The following PPP2R5C variants were observed in gnomAD, a reference collection of about 807,000 sequenced individuals.
PPP2R5C encodes the protein serine/threonine-protein phosphatase 2A 56 kDa regulatory subunit gamma isoform.
In PPP2R5C, 7 loss-of-function variants were observed where a neutral mutation model predicts 68.9. The ratio of observed to expected loss-of-function variants is 0.10; its 90% CI spans 0.06 to 0.19. The LOEUF (loss-of-function observed/expected upper bound fraction) is 0.19, where lower values mean the gene tolerates loss of function less well. Ranked by LOEUF, PPP2R5C falls within the 10% of genes least tolerant of loss-of-function variation. The pLI, the probability that PPP2R5C is intolerant of heterozygous loss-of-function variation, is 1.00. For missense variants in PPP2R5C, 348 were observed against 641.3 expected, an observed-to-expected ratio of 0.54 and a Z score of 4.94; for synonymous variants, 210 against 222.2, an observed-to-expected ratio of 0.95 and a Z score of 0.49.
Position 101,915,011 on chromosome 14 carries a change from G to A in PPP2R5C, c.1326+2538G>A, listed in dbSNP as rs942473961. ...ACGGATGCCTGCCTTTCCTTCGAGA[G>A]AGGAGCTCATGTGCGGAATGCACCT... is the stretch of plus-strand genomic sequence containing the variant. On this transcript the variant is annotated intron_variant, in intron 12 of 13. Coordinates refer to ENST00000334743, the Ensembl canonical transcript of PPP2R5C. This position sits in a 1 kb window ranked among gnomAD's most constrained non-coding sequence, Gnocchi z 4.2. 6.6e-6 allele frequency among the ~76,000 whole-genome samples: 1 copy of A among 152,188 alleles called. No individual in the cohort carries two copies. Among genetic ancestry groups the A allele is most frequent in the African/African-American group, 2.4e-5 (1 of 41,438 alleles).
At chr14:101,894,995 C>A (rs186812621) in intron 8 of PPP2R5C, among the ~76,000 whole-genome samples, 19 of 152,288 alleles carry the variant, frequency 1.2e-4, no homozygotes, top group Admixed American at 4.6e-4. Context: ...TCCCAAGTTA[C>A]ACTGTAACTA....
chr14:101,845,978 G>A (rs1470215440), intron 1 of PPP2R5C, among the ~76,000 whole-genome samples: 1 of 152,220 alleles, frequency 6.6e-6, no homozygotes, highest in Non-Finnish European at 1.5e-5. Flanking sequence ...TGGCGGTACT[G>A]TTCATTTTGC....
intron 1 of PPP2R5C, among the ~76,000 whole-genome samples, chr14:101,826,597 A>T (rs1566876716): frequency 6.6e-6 from 1 of 151,894 alleles, no homozygotes; most frequent in East Asian, 1.9e-4. Flanking sequence ...TTTTTTCAAA[A>T]TTGTTTTGGT....
rs1303069035 is a variant in PPP2R5C at position 101,882,141 on chromosome 14, A to G, written c.295-20A>G. On this transcript the variant is annotated intron_variant, in intron 2 of 13. Transcript: ENST00000334743. This position sits in a 1 kb window ranked among gnomAD's most constrained non-coding sequence, Gnocchi z 4.9. ...TATTTTAAATGCCCTGATTGTAATT[A>G]TAGAATATGTGGATTTTAGTTTGCA... 3 of 1,537,860 alleles carry G rather than the reference A, an allele frequency of 2.0e-6. No individual in the cohort carries two copies. Among genetic ancestry groups the G allele is most frequent in the Non-Finnish European group, 2.7e-6 (3 of 1,125,806 alleles).
chr14:101,899,684 T>C lies in PPP2R5C; in HGVS notation c.853-2035T>C, dbSNP rs115889388. Among the ~76,000 whole-genome samples the C allele has an allele frequency of 0.01, 1,579 of 152,360 alleles. 28 individuals carry two copies. The highest frequency in any genetic ancestry group is 0.036 in the African/African-American group (1,484 of 41,580). On this transcript the variant is annotated intron_variant, in intron 8 of 13. Coordinates refer to ENST00000334743, the Ensembl canonical transcript of PPP2R5C. This position sits in a 1 kb window ranked among gnomAD's most constrained non-coding sequence, Gnocchi z 4.2. ...CATTTGACAAATGAAGAGAAATAGA[T>C]GTAGGAAGTGATTTCCATCTGCTGT...
At chr14:101,841,708 C>A (rs943282076) in intron 1 of PPP2R5C, among the ~76,000 whole-genome samples, 3 of 152,158 alleles carry the variant, frequency 2.0e-5, no homozygotes, top group Non-Finnish European at 2.9e-5. Flanking sequence ...GGCAGAGGAT[C>A]GGCCATGCTT....
At chr14:101,849,223 G>T (rs1248214476) in intron 1 of PPP2R5C, among the ~76,000 whole-genome samples, 2 of 152,144 alleles carry the variant, frequency 1.3e-5, no homozygotes, top group Non-Finnish European at 1.5e-5. Flanking sequence ...CCTTTACCTC[G>T]GTTGTGATGG....
At chr14:101,919,034 AAT>A (rs1480453250) in intron 13 of PPP2R5C, among the ~76,000 whole-genome samples, 1 of 152,170 alleles carries the variant, frequency 6.6e-6, no homozygotes. Flanking sequence ...CATTAAATAA[AAT>A]ATGTTGTTTG....
chr14:101,818,899 A>G, intron 1 of PPP2R5C: 1 of 1,009,972 alleles, frequency 9.9e-7, no homozygotes, highest in Non-Finnish European at 1.5e-6. Context: ...ATACACATGG[A>G]TTTTTGTCTG....
chr14:101,784,569 T>A (rs1363171364), intron 2 of PPP2R5C, among the ~76,000 whole-genome samples: 1 of 151,924 alleles, frequency 6.6e-6, no homozygotes, highest in East Asian at 1.9e-4. Flanking sequence ...ACTCACTCAC[T>A]ATCACAAGAA....
intron 3 of PPP2R5C, among the ~76,000 whole-genome samples, chr14:101,788,509 G>A (rs553924407): frequency 6.6e-6 from 1 of 152,214 alleles, no homozygotes; most frequent in Non-Finnish European, 1.5e-5. Flanking sequence ...TTCTACATCT[G>A]TTCTACATCT....
Position 101,858,043 on chromosome 14 carries a change from C to A in PPP2R5C, c.294+1158C>A, listed in dbSNP as rs149587603. The stretch of plus-strand genomic sequence containing the variant: ...TTTAACTCTTAAAGTTCAGAATTCA[C>A]TGGCATGGCTACCATGTAGTCGGCC... On this transcript the variant is annotated intron_variant, in intron 2 of 13. Coordinates refer to ENST00000334743, the Ensembl canonical transcript of PPP2R5C. Among the ~76,000 whole-genome samples, 516 of 152,296 alleles carry A rather than the reference C, an allele frequency of 3.4e-3. 3 individuals are homozygous for A. The highest frequency in any genetic ancestry group is 0.012 in the African/African-American group (480 of 41,558).
In PPP2R5C at chr14:101,868,397, T is replaced by C. The variant is rs1481774261; in HGVS notation, c.294+11512T>C. Among the ~76,000 whole-genome samples, 3 of 152,330 alleles carry C rather than the reference T, an allele frequency of 2.0e-5. No homozygotes were observed. The East Asian group carries it at 5.8e-4, about 29-fold the overall frequency. ...AACAAATGAAACAAATACGAAAGCA[T>C]TTTAAAAAGTTAATCTTTTTCCTAC... On this transcript the variant is annotated intron_variant, in intron 2 of 13. Coordinates refer to ENST00000334743, the Ensembl canonical transcript of PPP2R5C.
intron 1 of PPP2R5C, among the ~76,000 whole-genome samples, chr14:101,853,861 C>T (rs929256209): frequency 6.6e-6 from 1 of 152,078 alleles, no homozygotes; most frequent in Non-Finnish European, 1.5e-5. Flanking sequence ...CTGTGCATAG[C>T]GTGGCTCTTA....
intron 2 of PPP2R5C, among the ~76,000 whole-genome samples, chr14:101,785,001 C>T (rs998670515): frequency 6.6e-6 from 1 of 152,198 alleles, no homozygotes; most frequent in African/African-American, 2.4e-5. Context: ...CGTGCATCTT[C>T]AGACTCTTCT....
rs547344641 is a variant in PPP2R5C at position 101,899,948 on chromosome 14, G to A, written c.853-1771G>A. Among the ~76,000 whole-genome samples, 6 of 152,110 alleles carry A rather than the reference G, an allele frequency of 3.9e-5. No individual in the cohort carries two copies. The highest frequency in any genetic ancestry group is 3.9e-4 in the East Asian group (2 of 5,176). The stretch of plus-strand genomic sequence containing the variant: ...TGTTAGATTCTTGGAGTACAGTGGC[G>A]CAGTCATGGCTCACTGCAGCCTCAA... On this transcript the variant is annotated intron_variant, in intron 8 of 13. Coordinates refer to ENST00000334743, the Ensembl canonical transcript of PPP2R5C. The surrounding 1 kb of genome is among the most constrained non-coding windows in gnomAD (Gnocchi z 4.2).
rs758394726 is a variant in PPP2R5C at position 101,917,723 on chromosome 14, G to A, written c.1327-108G>A. 1 of 1,501,062 alleles carries A rather than the reference G, an allele frequency of 6.7e-7. No homozygotes were observed. Among genetic ancestry groups the A allele is most frequent in the Non-Finnish European group, 9.0e-7 (1 of 1,109,894 alleles). 93.0% of individuals were successfully genotyped at this position (1,501,062 alleles called of 1,614,324 possible). ...CTCCCACTGAGTGGGCTTCCTGCGGGAGAGGGCCCTGGGGGGCGGCAGGGG... is the reference window on the plus strand; with the variant it reads ...CTCCCACTGAGTGGGCTTCCTGCGGAAGAGGGCCCTGGGGGGCGGCAGGGG... On this transcript the variant is annotated intron_variant, in intron 12 of 13. Coordinates refer to ENST00000334743, the Ensembl canonical transcript of PPP2R5C. This position sits in a 1 kb window ranked among gnomAD's most constrained non-coding sequence, Gnocchi z 4.4.
Position 101,889,719 on chromosome 14 carries a change from G to A in PPP2R5C, c.630-518G>A, listed in dbSNP as rs1244386527. 9.8e-6 allele frequency: 3 copies of A among 305,900 alleles called. No homozygotes were observed. In the Admixed American group the frequency reaches 1.5e-4, roughly 15 times the overall value. 18.9% of individuals were successfully genotyped at this position (305,900 alleles called of 1,614,324 possible). On this transcript the variant is annotated intron_variant, in intron 5 of 13. Transcript: ENST00000334743. ...GCACGGAGGATGCGTGTGGGTGTCA[G>A]TGGGGAACTGGGCAGGTAGAATAAG...
At chr14:101,838,441 A>T (rs2041255082) in intron 1 of PPP2R5C, among the ~76,000 whole-genome samples, 1 of 152,274 alleles carries the variant, frequency 6.6e-6, no homozygotes, top group Non-Finnish European at 1.5e-5. Flanking sequence ...AAGTTGCAAG[A>T]ATGATATAAA....
Sources: gnomAD v4.1 joint callset for allele counts (sites outside exome capture counted in the v4.1 genomes callset) on GRCh38, gnomAD v4.1.1 for gene constraint, Gnocchi (gnomAD v3.1) non-coding constraint, MANE v1.5 for transcripts, NCBI Gene and HGNC (gene_info 2026-07-23, HGNC 2026-07-21) for gene names.